Variants in ADGRG4 observed in about 807,000 individuals in gnomAD.
The protein encoded by ADGRG4 is G protein-coupled receptor 112.
ADGRG4 carries 122 observed loss-of-function variants against 126.2 expected under a neutral mutation model. The observed-to-expected ratio is 0.97, with a 90% CI of 0.83 to 1.12. The LOEUF (loss-of-function observed/expected upper bound fraction) is 1.12, where lower values mean the gene tolerates loss of function less well. ADGRG4 is among the 50% of genes most tolerant of loss of function. The probability of loss-of-function intolerance (pLI) is 0.00; values close to 1 mark genes in which losing one functional copy is unlikely to be tolerated. For missense variants in ADGRG4, 2,481 were observed against 2,251.8 expected (o/e 1.10, Z -2.06); for synonymous variants, 943 against 838.7 (o/e 1.12, Z -2.15).
chrX:136,376,143 T>G (rs966197409), intron 15 of ADGRG4, among the ~76,000 whole-genome samples: 3 of 112,195 alleles, frequency 2.7e-5, no homozygotes, highest in African/African-American at 9.7e-5. Context: ...CCAGCACCAT[T>G]TGTGGAACAG....
At chrX:136,303,457 AAGACAGAC>A (rs72009915) in intron 1 of ADGRG4, among the ~76,000 whole-genome samples, 4 of 110,779 alleles carry the variant, frequency 3.6e-5, no homozygotes, top group South Asian at 3.9e-4. Flanking sequence ...TCTCAAAGGA[AAGACAGAC>A]AGACAGACAG....
At position 136,398,017 on chromosome X, in the gene ADGRG4, C is replaced by A. The variant is rs754702869; in HGVS notation, c.8306+15C>A. ...ATAGCTTTTCAGTAAGTTGATACAG[C>A]CTTGCTCTGAGCACATTTAATTTGG... On this transcript the variant is annotated intron_variant, in intron 20 of 25. Transcript: ENST00000394143. 3 of 1,199,737 alleles carry A rather than the reference C, an allele frequency of 2.5e-6. No individual in the cohort carries two copies. Among genetic ancestry groups the A allele is most frequent in the African/African-American group, 1.8e-5 (1 of 57,137 alleles).
intron 4 of ADGRG4, among the ~76,000 whole-genome samples, chrX:136,321,337 T>G (rs927381456): frequency 4.5e-5 from 5 of 111,543 alleles, no homozygotes; most frequent in Admixed American, 1.9e-4. Context: ...TGAGTGTGTG[T>G]GGGGGGCAGG....
intron 4 of ADGRG4, among the ~76,000 whole-genome samples, chrX:136,321,051 G>A (rs1329468306): frequency 3.6e-5 from 4 of 111,999 alleles, no homozygotes; most frequent in Non-Finnish European, 7.5e-5. Flanking sequence ...CGTAAAACCA[G>A]TTCTTAAATG....
In ADGRG4 at chrX:136,393,557, C is replaced by T; in HGVS notation, c.8057C>T (p.Ala2686Val). ...GNQNYGQVHCAFWDFENNNGL... is the reference protein window; with the variant it reads ...GNQNYGQVHCVFWDFENNNGL... ...CAGAATTATGGTCAAGTTCACTGTG[C>T]CTTTTGGGATTTTGAGAATAATAGT... Residue 2686 changes from alanine (A) to valine (V), a missense_variant, in exon 18 of 26, where the codon GCC becomes GTC. Physicochemically the swap from Ala to Val is moderately conservative, Grantham distance 64. Transcript: ENST00000394143. The T allele has an allele frequency of 8.3e-7, 1 of 1,203,395 alleles. No individual in the cohort carries two copies. Among genetic ancestry groups the T allele is most frequent in the South Asian group, 1.8e-5 (1 of 56,225 alleles).
intron 5 of ADGRG4, among the ~76,000 whole-genome samples, chrX:136,339,606 C>T (rs976639196): frequency 4.4e-5 from 5 of 112,427 alleles, no homozygotes; most frequent in South Asian, 3.7e-4. Context: ...AGCATAGGGC[C>T]TGGGCCGCAT....
chrX:136,344,802 C>A lies in ADGRG4; in HGVS notation c.1096C>A (p.Gln366Lys), dbSNP rs920650271. 2 of 1,204,051 alleles carry A rather than the reference C, an allele frequency of 1.7e-6. No homozygotes were observed. The highest frequency in any genetic ancestry group is 3.5e-5 in the African/African-American group (2 of 57,182). The change falls in exon 6 of 26, where the codon CAA becomes AAA. Residue 366 changes from glutamine (Q) to lysine (K), a missense_variant. Physicochemically the swap from Gln to Lys is moderately conservative, Grantham distance 53. Coordinates refer to ENST00000394143, the MANE Select transcript of ADGRG4 (RefSeq NM_153834.4). ...TGAAGCCATGGCTACTGAAATCTTT[C>A]AACCACCTACACCTTCTAATTTCCT... ...MVEAMATEIFQPPTPSNFLST... is the reference protein window; with the variant it reads ...MVEAMATEIFKPPTPSNFLST...
At chrX:136,391,940 T>C (rs1452623614) in intron 16 of ADGRG4, among the ~76,000 whole-genome samples, 1 of 112,445 alleles carries the variant, frequency 8.9e-6, no homozygotes, top group Non-Finnish European at 1.9e-5. Context: ...TAGAGAATAG[T>C]TTCATTTTGT....
At chrX:136,328,143 A>G (rs916805153) in intron 5 of ADGRG4, among the ~76,000 whole-genome samples, 5 of 111,317 alleles carry the variant, frequency 4.5e-5, no homozygotes, top group Admixed American at 1.9e-4. Context: ...AGGCATTTTC[A>G]TATCAGAAAA....
At chrX:136,370,395 C>T (rs1022871062) in intron 13 of ADGRG4, among the ~76,000 whole-genome samples, 11 of 111,892 alleles carry the variant, frequency 9.8e-5, no homozygotes, top group African/African-American at 3.6e-4. Flanking sequence ...GTGCTGTATT[C>T]GTTTAACAAA....
At chrX:136,322,366 A>C (rs1345203975) in intron 4 of ADGRG4, among the ~76,000 whole-genome samples, 4 of 111,695 alleles carry the variant, frequency 3.6e-5, no homozygotes, top group Non-Finnish European at 7.5e-5. Context: ...TAAGGCAGTT[A>C]GGTGGGCGGA....
At position 136,357,703 on chromosome X, in the gene ADGRG4, G is replaced by T; in HGVS notation, c.6928-1G>T. On this transcript the variant is annotated splice_acceptor_variant, in intron 9 of 25. Transcript: ENST00000394143. LOFTEE classifies it high-confidence loss of function. ...GACTATGTACTTTTCTTTTGCATTA[G>T]TTGGAACAGAGAGAAGGACAAGAAA... The T allele has an allele frequency of 8.4e-7, 1 of 1,183,644 alleles. No individual in the cohort carries two copies. Among genetic ancestry groups the T allele is most frequent in the Non-Finnish European group, 1.1e-6 (1 of 871,419 alleles).
At chrX:136,375,402 G>A (rs1387197331) in intron 15 of ADGRG4, among the ~76,000 whole-genome samples, 1 of 112,097 alleles carries the variant, frequency 8.9e-6, no homozygotes, top group Non-Finnish European at 1.9e-5. Context: ...TAGATACCCA[G>A]TAGTGGGATT....
intron 4 of ADGRG4, among the ~76,000 whole-genome samples, chrX:136,313,339 A>C (rs1272233353): frequency 1.8e-5 from 2 of 112,043 alleles, no homozygotes; most frequent in African/African-American, 6.5e-5. Flanking sequence ...CTTTTTGATC[A>C]TAGCCATCCT....
chrX:136,414,610 A>G (rs1318320690), intron 25 of ADGRG4, among the ~76,000 whole-genome samples: 2 of 112,796 alleles, frequency 1.8e-5, no homozygotes, highest in East Asian at 2.8e-4. Context: ...ATTCATGAGT[A>G]ATTAAAAACA....
rs183196114 is a variant in ADGRG4, at chrX:136,353,404, A to G, written c.6887+3A>G. The G allele has an allele frequency of 2.6e-6, 3 of 1,168,931 alleles. No individual in the cohort carries two copies. Among genetic ancestry groups the G allele is most frequent in the Non-Finnish European group, 3.5e-6 (3 of 856,911 alleles). On this transcript the variant is annotated splice_donor_region_variant and intron_variant, in intron 8 of 25. Coordinates refer to ENST00000394143, the MANE Select transcript of ADGRG4 (RefSeq NM_153834.4). The stretch of plus-strand genomic sequence containing the variant: ...CTGGAAACCCAAATTAAAAGCAGGT[A>G]TGTGAATGACATTTACTGTGGGTCA...
chrX:136,389,047 C>A (rs1213497494), intron 16 of ADGRG4, among the ~76,000 whole-genome samples: 1 of 111,930 alleles, frequency 8.9e-6, no homozygotes, highest in Non-Finnish European at 1.9e-5. Context: ...CATACCCATA[C>A]CACACGCCAC....
chrX:136,329,784 T>C (rs1286523657), intron 5 of ADGRG4, among the ~76,000 whole-genome samples: 1 of 109,848 alleles, frequency 9.1e-6, no homozygotes, highest in Non-Finnish European at 1.9e-5. Context: ...ACCATCCCCC[T>C]GCTTCAGCCA....
chrX:136,371,595 G>T (rs2075194774), intron 14 of ADGRG4, 51 bp downstream of exon 14: 1 of 705,988 alleles, frequency 1.4e-6, no homozygotes, highest in Non-Finnish European at 2.1e-6. Context: ...AATTTAAAAT[G>T]CAGACGGCCC....
Sources: gnomAD v4.1 joint callset for allele counts (sites outside exome capture counted in the v4.1 genomes callset) on GRCh38, gnomAD v4.1.1 for gene constraint, MANE v1.5 for transcripts, NCBI Gene and HGNC (gene_info 2026-07-23, HGNC 2026-07-21) for gene names.